The following TMEM117 variants were observed in gnomAD, a reference collection of about 807,000 sequenced individuals.
The protein encoded by TMEM117 is transmembrane protein 117.
TMEM117 carries 27 observed loss-of-function variants against 52.4 expected under a neutral mutation model. The observed-to-expected ratio is 0.51, with a 90% confidence interval of 0.38 to 0.71. The LOEUF (loss-of-function observed/expected upper bound fraction) is 0.71. TMEM117 is among the 30% of genes least tolerant of loss of function. The pLI is 0.00. For synonymous variants in TMEM117, 215 were observed against 206.3 expected (o/e 1.04, Z -0.36); for missense variants, 556 against 630.5 (o/e 0.88, Z 1.26).
intron 4 of TMEM117, among the ~76,000 whole-genome samples, chr12:44,175,283 T>C (rs1949102593): frequency 6.6e-6 from 1 of 151,912 alleles, no homozygotes. Flanking sequence ...ATTTTGGAGG[T>C]TGAGCTGGCG....
chr12:44,217,546 T>A (rs1032043581), intron 5 of TMEM117, among the ~76,000 whole-genome samples: 1 of 152,226 alleles, frequency 6.6e-6, no homozygotes, highest in African/African-American at 2.4e-5. Flanking sequence ...ATAAATGCAT[T>A]AAATATATTG....
chr12:43,828,818 T>C, the TMEM117 span, among the ~76,000 whole-genome samples: 1 of 152,226 alleles, frequency 6.6e-6, no homozygotes, highest in Non-Finnish European at 1.5e-5. Flanking sequence ...CACAACATTC[T>C]GGCTCCTTCT....
intron 4 of TMEM117, among the ~76,000 whole-genome samples, chr12:44,199,910 G>A (rs1949471143): frequency 6.6e-6 from 1 of 152,110 alleles, no homozygotes; most frequent in Admixed American, 6.5e-5. Flanking sequence ...CTGAGGTCAG[G>A]AGTTCAAGAC....
At chr12:44,093,194 A>G (rs1244027819) in intron 3 of TMEM117, among the ~76,000 whole-genome samples, 1 of 152,074 alleles carries the variant, frequency 6.6e-6, no homozygotes, top group African/African-American at 2.4e-5. Flanking sequence ...TGGTCAAGGG[A>G]GATTTTTTTT....
At chr12:43,882,641 A>G (rs1325845437) in intron 2 of TMEM117, among the ~76,000 whole-genome samples, 1 of 152,110 alleles carries the variant, frequency 6.6e-6, no homozygotes, top group East Asian at 1.9e-4. Flanking sequence ...GCTCTTCTCT[A>G]AGAGGTTTCA....
At chr12:43,817,572 A>G in the TMEM117 span, among the ~76,000 whole-genome samples, 2 of 152,206 alleles carry the variant, frequency 1.3e-5, no homozygotes, top group African/African-American at 4.8e-5. Flanking sequence ...GAGTGGACTT[A>G]CAAGGAACTA....
intron 2 of TMEM117, among the ~76,000 whole-genome samples, chr12:43,870,877 T>A (rs188337430): frequency 7.9e-5 from 12 of 152,252 alleles, no homozygotes; most frequent in African/African-American, 2.9e-4. Context: ...CTCTGCCTCC[T>A]GGGTTCAAGC....
At chr12:44,154,805 T>TA (rs113409705) in intron 4 of TMEM117, among the ~76,000 whole-genome samples, 3,964 of 151,642 alleles carry the variant, frequency 0.026, 112 homozygotes, top group African/African-American at 0.071. Flanking sequence ...TGATTTTTTT[T>TA]AAAAAAAATA....
intron 2 of TMEM117, among the ~76,000 whole-genome samples, chr12:43,930,748 T>A (rs1190986295): frequency 6.6e-6 from 1 of 152,238 alleles, no homozygotes; most frequent in Non-Finnish European, 1.5e-5. Flanking sequence ...TAATTATTGT[T>A]CCTTTCAAAT....
intron 3 of TMEM117, among the ~76,000 whole-genome samples, chr12:44,097,579 C>T (rs1392697618): frequency 6.6e-6 from 1 of 151,792 alleles, no homozygotes; most frequent in African/African-American, 2.4e-5. Context: ...CATGGATGAA[C>T]TTGGAAGTCA....
chr12:44,286,616 C>A (rs1018354562), intron 5 of TMEM117, among the ~76,000 whole-genome samples: 3 of 151,988 alleles, frequency 2.0e-5, no homozygotes, highest in African/African-American at 7.2e-5. Context: ...AAAACAATAT[C>A]CATAAATTTA....
the TMEM117 span, among the ~76,000 whole-genome samples, chr12:43,815,373 T>A: frequency 6.6e-6 from 1 of 152,214 alleles, no homozygotes; most frequent in Non-Finnish European, 1.5e-5. Flanking sequence ...GTTTAGGAAG[T>A]CAGGGAAGTT....
At chr12:44,335,550 C>A (rs1047007331) in intron 6 of TMEM117, among the ~76,000 whole-genome samples, 1 of 151,676 alleles carries the variant, frequency 6.6e-6, no homozygotes, top group African/African-American at 2.4e-5. Flanking sequence ...AATGGCAGAG[C>A]CAGAATTATC....
At chr12:43,861,394 A>G (rs568283440) in intron 2 of TMEM117, among the ~76,000 whole-genome samples, 2 of 152,340 alleles carry the variant, frequency 1.3e-5, no homozygotes, top group South Asian at 4.1e-4. Flanking sequence ...GATCAGGCGC[A>G]TGAAAATGAC....
At chr12:44,385,952 TACA>T (rs1199402917) in intron 7 of TMEM117, among the ~76,000 whole-genome samples, 2 of 152,154 alleles carry the variant, frequency 1.3e-5, no homozygotes, top group African/African-American at 4.8e-5. Flanking sequence ...CTGTTCTATC[TACA>T]ACATACTGAA....
At chr12:43,982,088 A>G (rs2137723541) in intron 3 of TMEM117, among the ~76,000 whole-genome samples, 1 of 152,320 alleles carries the variant, frequency 6.6e-6, no homozygotes, top group South Asian at 2.1e-4. Flanking sequence ...ATTATGCAAT[A>G]TATATATGTA....
intron 6 of TMEM117, among the ~76,000 whole-genome samples, chr12:44,353,543 T>C (rs1201358261): frequency 2.6e-5 from 4 of 152,090 alleles, no homozygotes. Flanking sequence ...GCACCATTTA[T>C]TAAATAGGGA....
intron 2 of TMEM117, among the ~76,000 whole-genome samples, chr12:43,941,240 C>T (rs1024994906): frequency 6.6e-6 from 1 of 152,136 alleles, no homozygotes; most frequent in Non-Finnish European, 1.5e-5. Flanking sequence ...GTGATGTTTT[C>T]ACTTCTGTTG....
chr12:44,238,751 T>G (rs1950028644), intron 5 of TMEM117, among the ~76,000 whole-genome samples: 4 of 152,182 alleles, frequency 2.6e-5, no homozygotes, highest in Admixed American at 2.0e-4. Context: ...CTTTTACCCA[T>G]CTGTGGAGTT....
Sources: gnomAD v4.1 joint callset for allele counts (sites outside exome capture counted in the v4.1 genomes callset) on GRCh38, gnomAD v4.1.1 for gene constraint, MANE v1.5 for transcripts, NCBI Gene and HGNC (gene_info 2026-07-23, HGNC 2026-07-21) for gene names.